The following ABLIM3 variants were observed in gnomAD, a reference collection of about 807,000 sequenced individuals.
ABLIM3 encodes actin binding LIM protein family member 3.
Under a neutral mutation model 109.5 loss-of-function variants are expected in ABLIM3, and 61 were observed. The observed-to-expected ratio is 0.56, with a 90% CI of 0.45 to 0.69. The LOEUF (loss-of-function observed/expected upper bound fraction) is 0.69, where lower values mean the gene tolerates loss of function less well. Among genes scored for constraint, ABLIM3 ranks in the 30% least tolerant of loss-of-function variants. ABLIM3 has a pLI of 0.00. For synonymous variants in ABLIM3, 300 were observed against 324.8 expected, an observed-to-expected ratio of 0.92 and a Z score of 0.82; for missense variants, 796 against 889.5, an observed-to-expected ratio of 0.89 and a Z score of 1.34.
At chr5:149,143,018 C>G (rs1752624289) in intron 2 of ABLIM3, among the ~76,000 whole-genome samples, 1 of 152,036 alleles carries the variant, frequency 6.6e-6, no homozygotes, top group African/African-American at 2.4e-5. Context: ...TTATCAGTCC[C>G]CTCTCTGCAT....
chr5:149,241,487 G>A (rs578052867), intron 14 of ABLIM3, among the ~76,000 whole-genome samples: 13 of 152,318 alleles, frequency 8.5e-5, no homozygotes, highest in East Asian at 1.9e-4. Context: ...GGGGCCTGGC[G>A]TGGTCGCTCA....
chr5:149,207,158 A>T (rs376066358), intron 6 of ABLIM3, 24 bp downstream of exon 6: 14 of 1,609,082 alleles, frequency 8.7e-6, no homozygotes, highest in Non-Finnish European at 1.2e-5. Context: ...CTCCTGCCCC[A>T]GCTGCCTGGG....
At chr5:149,207,471 A>G (rs1759115626) in intron 6 of ABLIM3, among the ~76,000 whole-genome samples, 1 of 152,140 alleles carries the variant, frequency 6.6e-6, no homozygotes, top group South Asian at 2.1e-4. Context: ...CACACAGGCT[A>G]CCACCATTGG....
intron 2 of ABLIM3, among the ~76,000 whole-genome samples, chr5:149,171,083 T>C (rs1312763210): frequency 6.6e-6 from 1 of 152,206 alleles, no homozygotes; most frequent in African/African-American, 2.4e-5. Context: ...AGTTCTACCT[T>C]AGATTGTAGC....
chr5:149,244,277 T>C (rs1412197972), intron 15 of ABLIM3: 1 of 153,178 alleles, frequency 6.5e-6, no homozygotes, highest in African/African-American at 2.4e-5. Flanking sequence ...CACTTACAGA[T>C]GAGGAAACTA....
chr5:149,241,003 G>A (rs1261782157), intron 14 of ABLIM3, among the ~76,000 whole-genome samples: 2 of 152,330 alleles, frequency 1.3e-5, no homozygotes, highest in African/African-American at 2.4e-5. Flanking sequence ...AAGCAGTCCC[G>A]GGAAGAAAAG....
Position 149,142,180 on chromosome 5 carries a change from G to A in ABLIM3, c.13+72G>A, listed in dbSNP as rs530843858. 27 of 1,590,660 alleles carry A rather than the reference G, an allele frequency of 1.7e-5. No homozygotes were observed. The Admixed American group carries it at 2.2e-4, about 13-fold the overall frequency. The stretch of plus-strand genomic sequence containing the variant: ...GGGAGGTGAGGGAGCCTGCGCTCGG[G>A]CTGCCTGGAAAGAGGAAGGAAGCCT... On this transcript the variant is annotated intron_variant, in intron 2 of 23. Coordinates refer to ENST00000309868, the MANE Select transcript of ABLIM3 (RefSeq NM_014945.5).
intron 23 of ABLIM3, among the ~76,000 whole-genome samples, chr5:149,253,735 C>A (rs1158024810): frequency 6.6e-6 from 1 of 152,176 alleles, no homozygotes; most frequent in African/African-American, 2.4e-5. Flanking sequence ...TCCAGACCAC[C>A]TGGTGTGGAG....
At chr5:149,210,559 G>T (rs989949756) in intron 6 of ABLIM3, among the ~76,000 whole-genome samples, 167 bp from the exon 7 acceptor site, 2 of 152,276 alleles carry the variant, frequency 1.3e-5, no homozygotes, top group Admixed American at 6.5e-5. Context: ...CTACTGATCT[G>T]GGAGCACAGT....
rs1263705191 is a variant in ABLIM3, at chr5:149,259,601, C to T, written c.*1197C>T. The T allele has an allele frequency of 6.5e-6, 10 of 1,534,730 alleles. No individual in the cohort carries two copies. Among genetic ancestry groups the T allele is most frequent in the African/African-American group, 1.4e-5 (1 of 73,020 alleles). ...GATTCCAAAATGAAGTGTTGGCCAACACCGCTCATGGCCATCCTGGATTTT... is the reference window on the plus strand; with the variant it reads ...GATTCCAAAATGAAGTGTTGGCCAATACCGCTCATGGCCATCCTGGATTTT... On this transcript the variant is annotated 3_prime_UTR_variant, in exon 24 of 24. Transcript: ENST00000309868.
At chr5:149,240,200 G>A (rs533520578) in intron 13 of ABLIM3, among the ~76,000 whole-genome samples, 18 of 152,310 alleles carry the variant, frequency 1.2e-4, no homozygotes, top group Non-Finnish European at 2.4e-4. Context: ...TGCCCCATCC[G>A]GAGGGCAGAA....
chr5:149,246,766 T>A (rs1276472220), intron 17 of ABLIM3, among the ~76,000 whole-genome samples: 2 of 152,274 alleles, frequency 1.3e-5, no homozygotes, highest in Non-Finnish European at 2.9e-5. Flanking sequence ...TCTTCACTTC[T>A]GGGGCTTGCC....
intron 3 of ABLIM3, among the ~76,000 whole-genome samples, chr5:149,190,256 G>A (rs1581088634): frequency 6.6e-6 from 1 of 152,330 alleles, no homozygotes; most frequent in Non-Finnish European, 1.5e-5. Context: ...GCTTGTTTTG[G>A]AGGTGATGAA....
chr5:149,179,680 G>A (rs1290198452), intron 2 of ABLIM3, among the ~76,000 whole-genome samples: 1 of 151,426 alleles, frequency 6.6e-6, no homozygotes, highest in African/African-American at 2.4e-5. Context: ...TGTTGTTTTT[G>A]TTGTCTTTTG....
intron 8 of ABLIM3, among the ~76,000 whole-genome samples, chr5:149,225,984 A>ATG (rs1761208166): frequency 1.6e-4 from 1 of 6,096 alleles, no homozygotes; most frequent in Non-Finnish European, 4.0e-4. Context: ...GTGTGTGTGT[A>ATG]TATATATATA....
chr5:149,200,927 G>T (rs866588421), intron 5 of ABLIM3, among the ~76,000 whole-genome samples: 2 of 152,130 alleles, frequency 1.3e-5, no homozygotes, highest in East Asian at 3.9e-4. Context: ...AAATGCAAAT[G>T]TCTGGGCTCA....
At position 149,251,474 on chromosome 5, in the gene ABLIM3, C is replaced by G. The variant is rs1753919905; in HGVS notation, c.1849+55C>G. 6.9e-5 allele frequency: 110 copies of G among 1,588,446 alleles called. 1 individual carries two copies. The South Asian group carries it at 1.1e-3, about 15-fold the overall frequency. ...GGAGAGTGCCTCCAGATGTACCACTCAAAACTGCAGCTTGACCTTCGGCAA... is the reference window on the plus strand; with the variant it reads ...GGAGAGTGCCTCCAGATGTACCACTGAAAACTGCAGCTTGACCTTCGGCAA... On this transcript the variant is annotated intron_variant, in intron 21 of 23. Coordinates refer to ENST00000309868, the MANE Select transcript of ABLIM3 (RefSeq NM_014945.5).
rs1439495792 is a variant in ABLIM3, at chr5:149,240,774, G to A, written c.1303G>A (p.Ala435Thr). Residue 435 changes from alanine to threonine, a missense_variant and splice_region_variant, in exon 14 of 24, where the codon GCT becomes ACT. Physicochemically the swap from Ala to Thr is moderately conservative, Grantham distance 58. Coordinates refer to ENST00000309868, the MANE Select transcript of ABLIM3 (RefSeq NM_014945.5). ...GGCTCCCAAGCACTTTCACATCCCA[G>A]GTAGGCACTGCCAGCCCAGAATTCC... ...YQAPKHFHIP[A>T]GDSNIYRKPP... 7 of 1,613,790 alleles carry A rather than the reference G, an allele frequency of 4.3e-6. No homozygotes were observed. The South Asian group carries it at 5.5e-5, about 13-fold the overall frequency.
intron 6 of ABLIM3, among the ~76,000 whole-genome samples, chr5:149,210,367 TAGGGTTG>T (rs762607179): frequency 1.3e-4 from 20 of 152,190 alleles, no homozygotes; most frequent in South Asian, 4.1e-4. Context: ...TTCTGACTCA[TAGGGTTG>T]CCATCAAACA....
Sources: gnomAD v4.1 joint callset for allele counts (sites outside exome capture counted in the v4.1 genomes callset) on GRCh38, gnomAD v4.1.1 for gene constraint, MANE v1.5 for transcripts, NCBI Gene and HGNC (gene_info 2026-07-23, HGNC 2026-07-21) for gene names.